Variants in RBFOX1 observed in about 807,000 individuals in gnomAD.
The protein encoded by RBFOX1 is RNA binding protein fox-1 homolog 1.
A neutral mutation model predicts 57.7 loss-of-function variants in RBFOX1; 8 were observed. The ratio of observed to expected loss-of-function variants is 0.14; its 90% CI spans 0.08 to 0.25. RBFOX1 has a LOEUF of 0.25. Among genes scored for constraint, RBFOX1 ranks in the 10% least tolerant of loss-of-function variants. The probability of loss-of-function intolerance (pLI) is 1.00; values close to 1 mark genes in which losing one functional copy is unlikely to be tolerated. For synonymous variants in RBFOX1, 326 were observed against 222.4 expected, an observed-to-expected ratio of 1.47 and a Z score of -4.15; for missense variants, 611 against 548.5, an observed-to-expected ratio of 1.11 and a Z score of -1.14.
rs562801212 is a variant in RBFOX1 at position 7,214,811 on chromosome 16, C to T, written c.27+162713C>T. 5.9e-5 allele frequency among the ~76,000 whole-genome samples: 9 copies of T among 152,288 alleles called. No homozygotes were observed. In the East Asian group the frequency reaches 1.7e-3, roughly 29 times the overall value. On this transcript the variant is annotated intron_variant, in intron 4 of 15. Coordinates refer to ENST00000550418, the MANE Select transcript of RBFOX1 (RefSeq NM_018723.4). ...CAAAATGAAGTAGACACATGTTCCT[C>T]ACATTTAATGTCTGCATATATGAGA... is the stretch of plus-strand genomic sequence containing the variant.
chr16:6,317,012 T>A lies in RBFOX1; in HGVS notation c.-109T>A. 6.5e-7 allele frequency: 1 copy of A among 1,535,618 alleles called. No homozygotes were observed. Among genetic ancestry groups the A allele is most frequent in the African/African-American group, 1.4e-5 (1 of 73,122 alleles). On this transcript the variant is annotated 5_prime_UTR_variant, in exon 2 of 16. Transcript: ENST00000550418. Reference sequence around the variant, plus strand: ...TTCTTTAGGAAACTGGTCAAAGAACTCATGCAAGTGGAACTTACAGCTTCC... The same window carrying A: ...TTCTTTAGGAAACTGGTCAAAGAACACATGCAAGTGGAACTTACAGCTTCC...
intron 4 of RBFOX1, among the ~76,000 whole-genome samples, chr16:7,407,952 C>A (rs566865343): frequency 1.7e-4 from 26 of 152,236 alleles, no homozygotes; most frequent in Middle Eastern, 3.4e-3. Context: ...GCCGCAATGG[C>A]AGAATTGAAT....
chr16:7,160,372 G>C (rs1194474011), intron 4 of RBFOX1, among the ~76,000 whole-genome samples: 1 of 151,992 alleles, frequency 6.6e-6, no homozygotes, highest in African/African-American at 2.4e-5. Flanking sequence ...ACCAGACTTT[G>C]TTTCTTCTTC....
intron 1 of RBFOX1, among the ~76,000 whole-genome samples, chr16:5,383,818 A>G (rs2066190913): frequency 6.6e-6 from 1 of 152,182 alleles, no homozygotes; most frequent in Non-Finnish European, 1.5e-5. Context: ...TCCAACTCTT[A>G]CTTTCTTTAG....
chr16:6,490,671 T>A (rs1049018035), intron 2 of RBFOX1, among the ~76,000 whole-genome samples: 1 of 152,164 alleles, frequency 6.6e-6, no homozygotes, highest in African/African-American at 2.4e-5. Flanking sequence ...GGGTCACCCA[T>A]GAACAGCTCG....
intron 3 of RBFOX1, among the ~76,000 whole-genome samples, chr16:5,649,367 G>C (rs1400137217): frequency 6.6e-6 from 1 of 151,942 alleles, no homozygotes; most frequent in Admixed American, 6.6e-5. Context: ...ACGGGGTTTC[G>C]CCATGTTGGC....
chr16:6,127,184 G>C (rs533832262), intron 1 of RBFOX1, among the ~76,000 whole-genome samples: 2 of 152,006 alleles, frequency 1.3e-5, no homozygotes, highest in African/African-American at 4.8e-5. Flanking sequence ...GGAGTAAGAG[G>C]GTAATGAGGA....
intron 4 of RBFOX1, among the ~76,000 whole-genome samples, chr16:7,511,403 T>C (rs1350119491): frequency 6.6e-6 from 1 of 152,182 alleles, no homozygotes; most frequent in Non-Finnish European, 1.5e-5. Context: ...ATTTTCTCTC[T>C]GACTCTGTCT....
At chr16:6,861,072 G>C (rs1361476866) in intron 3 of RBFOX1, among the ~76,000 whole-genome samples, 1 of 152,096 alleles carries the variant, frequency 6.6e-6, no homozygotes, top group Non-Finnish European at 1.5e-5. Context: ...GACTGACAAG[G>C]ATTCCATTAT....
intron 14 of RBFOX1, among the ~76,000 whole-genome samples, chr16:7,701,114 G>A (rs2080541162): frequency 6.7e-6 from 1 of 149,912 alleles, no homozygotes; most frequent in Non-Finnish European, 1.5e-5. Flanking sequence ...GATTTCTGAA[G>A]TTAAGCGCTT....
intron 3 of RBFOX1, among the ~76,000 whole-genome samples, chr16:7,004,630 C>G (rs556560926): frequency 6.6e-6 from 1 of 152,170 alleles, no homozygotes; most frequent in Non-Finnish European, 1.5e-5. Context: ...TTCTTGAAAG[C>G]CTCAACATTG....
intron 1 of RBFOX1, among the ~76,000 whole-genome samples, chr16:6,272,683 A>G (rs2075335337): frequency 6.6e-6 from 1 of 152,208 alleles, no homozygotes; most frequent in South Asian, 2.1e-4. Context: ...TCAAAAACAA[A>G]ACTTCTTATA....
At chr16:5,376,249 G>A (rs890986420) in intron 1 of RBFOX1, among the ~76,000 whole-genome samples, 4 of 151,998 alleles carry the variant, frequency 2.6e-5, no homozygotes, top group Non-Finnish European at 4.4e-5. Flanking sequence ...GAGCCCAGAC[G>A]GTGCATTCTG....
chr16:6,723,651 A>G (rs1485555778), intron 3 of RBFOX1: 1 of 152,162 alleles, frequency 6.6e-6, no homozygotes, highest in Non-Finnish European at 1.5e-5. Context: ...CGATTTGCAT[A>G]TATTAGTATT....
intron 2 of RBFOX1, among the ~76,000 whole-genome samples, chr16:6,617,280 A>G (rs2098156856): frequency 6.6e-6 from 1 of 151,988 alleles, no homozygotes; most frequent in Admixed American, 6.6e-5. Context: ...TGTGAAGGAA[A>G]GGGAACCTGA....
At chr16:5,382,720 T>A (rs372443973) in intron 1 of RBFOX1, among the ~76,000 whole-genome samples, 2 of 152,256 alleles carry the variant, frequency 1.3e-5, no homozygotes, top group African/African-American at 2.4e-5. Context: ...CTGATTCAGT[T>A]GGCAAGGTTT....
chr16:7,638,317 T>G (rs180901588), intron 11 of RBFOX1, among the ~76,000 whole-genome samples: 1 of 152,184 alleles, frequency 6.6e-6, no homozygotes, highest in Non-Finnish European at 1.5e-5. Context: ...AGGAGGAAAT[T>G]TAGGCTTGGG....
chr16:6,635,218 A>G (rs1473693670), intron 2 of RBFOX1, among the ~76,000 whole-genome samples: 1 of 149,992 alleles, frequency 6.7e-6, no homozygotes, highest in African/African-American at 2.4e-5. Context: ...TTTAATTTAA[A>G]ATATATAATA....
intron 2 of RBFOX1, among the ~76,000 whole-genome samples, chr16:6,397,863 T>G (rs1269177040): frequency 6.6e-6 from 1 of 152,018 alleles, no homozygotes; most frequent in Non-Finnish European, 1.5e-5. Context: ...CTACTAAAAA[T>G]ATTACAAAAG....
Sources: allele counts gnomAD v4.1 joint callset (sites outside exome capture counted in the v4.1 genomes callset), GRCh38; gene constraint gnomAD v4.1.1; transcripts MANE v1.5; gene names NCBI Gene and HGNC (gene_info 2026-07-23, HGNC 2026-07-21).